MROH6: variants seen among roughly 807,000 people sequenced by gnomAD.
MROH6 encodes maestro heat-like repeat-containing protein family member 6.
In MROH6, 62 loss-of-function variants were observed where a neutral mutation model predicts 67.7. The ratio of observed to expected loss-of-function variants is 0.92; its 90% CI spans 0.75 to 1.13. The LOEUF is 1.13. MROH6 is among the 50% of genes most tolerant of loss of function. MROH6 has a pLI of 0.00. For synonymous variants in MROH6, 566 were observed against 470.8 expected, an observed-to-expected ratio of 1.20 and a Z score of -2.62; for missense variants, 1,175 against 1,029.1, an observed-to-expected ratio of 1.14 and a Z score of -1.94.
In MROH6 at chr8:143,569,791, A is replaced by G. The variant is rs1376077734; in HGVS notation, c.1208T>C (p.Leu403Pro). 1.5e-5 allele frequency: 24 copies of G among 1,612,356 alleles called. No individual in the cohort carries two copies. The highest frequency in any genetic ancestry group is 1.9e-5 in the Non-Finnish European group (23 of 1,179,556). The change falls in exon 8 of 14, where the codon CTG becomes CCG. Residue 403 changes from leucine to proline, a missense_variant. By Grantham distance (98) the Leu-to-Pro change is moderately conservative. Coordinates refer to ENST00000398882, the MANE Select transcript of MROH6 (RefSeq NM_001100878.2). ...TARLLREEVI[L>P]ERLLTWQGDP... Reference sequence around the variant, plus strand: ...TCCCTGCCAGGTGAGGAGTCGCTCCAGGATGACCTCCTCCCGCAGGAGCCG... The same window carrying G: ...TCCCTGCCAGGTGAGGAGTCGCTCCGGGATGACCTCCTCCCGCAGGAGCCG...
At position 143,570,548 on chromosome 8, in the gene MROH6, G is replaced by A. The variant is rs1823961181; in HGVS notation, c.830C>T (p.Ala277Val). ...LALVTQLHKL[A>V]RSPCSPDMPK... ...CATGTCGGGGGAGCACGGGCTGCGG[G>A]CCAGCTTGTGCAGCTGTGTGACCAG... is the stretch of plus-strand genomic sequence containing the variant. The change falls in exon 5 of 14, where the codon GCC (alanine) becomes GTC (valine). Residue 277 changes from alanine to valine, a missense_variant. Physicochemically the swap from Ala to Val is moderately conservative, Grantham distance 64. Coordinates refer to ENST00000398882, the MANE Select transcript of MROH6 (RefSeq NM_001100878.2). The A allele has an allele frequency of 6.2e-7, 1 of 1,610,320 alleles. No homozygotes were observed. The highest frequency in any genetic ancestry group is 8.5e-7 in the Non-Finnish European group (1 of 1,179,844).
At chr8:143,572,217 C>A (rs1173600751) in intron 1 of MROH6, 32 bp from the exon 2 acceptor site, 3 of 1,608,492 alleles carry the variant, frequency 1.9e-6, no homozygotes, top group African/African-American at 2.7e-5. Context: ...GTCTGAAGTG[C>A]CCAAACCTCT....
rs755875502 is a variant in MROH6, at chr8:143,568,861, C to T, written c.1477-142G>A. ...GTGATCTGGGGACAGGGAACAGGGC[C>T]TGGAGCTGGACCTGGTTGGGAAGCC... On this transcript the variant is annotated intron_variant, in intron 9 of 13. Transcript: ENST00000398882. 860 of 621,408 alleles carry T rather than the reference C, an allele frequency of 1.4e-3. 3 individuals carry two copies. Among genetic ancestry groups the T allele is most frequent in the Non-Finnish European group, 1.9e-3 (731 of 376,788 alleles). The allele number at this position is 621,408 out of a possible 1,614,324, so 38.5% of individuals were successfully genotyped here. A position where few individuals can be genotyped will look rare whatever the true frequency, so the allele number is the denominator to read the frequency against.
At chr8:143,567,504 G>A in intron 13 of MROH6, 39 bp from the exon 14 acceptor site, 1 of 1,444,380 alleles carries the variant, frequency 6.9e-7, no homozygotes, top group South Asian at 1.4e-5. Flanking sequence ...GAGCCCAGGA[G>A]GGCCGAGTGC....
Position 143,572,608 on chromosome 8 carries a change from TG to T in MROH6, c.106del (p.Gln36ArgfsTer129). 6.3e-7 allele frequency: 1 copy of T among 1,595,936 alleles called. No homozygotes were observed. On this transcript the variant is annotated frameshift_variant, in exon 1 of 14. Coordinates refer to ENST00000398882, the MANE Select transcript of MROH6 (RefSeq NM_001100878.2). LOFTEE classifies it high-confidence loss of function. ...CTGAGGGCCTGCGGAAGGGGGTCCC[TG>T]GGGCTGCCCCTGCCTGGCCCGGATT... ...EGIRARQGQP[Q>X]GPPSAGPQPK...
rs772815093 is a variant in MROH6 at position 143,570,050 on chromosome 8, A to G, written c.1059T>C (p.His353=). 14 of 1,611,474 alleles carry G rather than the reference A, an allele frequency of 8.7e-6. No homozygotes were observed. In the East Asian group the frequency reaches 2.9e-4, roughly 33 times the overall value. The part of the protein sequence containing the change: ...VLLLASAMVA[H]ADHHLRGLFA... ...AGAGGCCTCGCAGGTGGTGGTCGGC[A>G]TGTGCCACCATAGCACTGGGGTGGG... The change falls in exon 7 of 14, where the codon CAT becomes CAC. Residue 353 remains histidine (H), a synonymous_variant. Transcript: ENST00000398882.
In MROH6 at chr8:143,569,936, G is replaced by A. The variant is rs761383727; in HGVS notation, c.1158+15C>T. On this transcript the variant is annotated intron_variant, in intron 7 of 13. Transcript: ENST00000398882. ...CAGGGTCACCCTTCACCACCCATCCGGGAAGCAGGCTCACCCCTGTGAAGA... is the reference window on the plus strand; with the variant it reads ...CAGGGTCACCCTTCACCACCCATCCAGGAAGCAGGCTCACCCCTGTGAAGA... The A allele has an allele frequency of 2.5e-6, 4 of 1,612,458 alleles. No homozygotes were observed. The highest frequency in any genetic ancestry group is 1.7e-5 in the Admixed American group (1 of 60,000).
chr8:143,569,308 A>C (rs1823845925), intron 9 of MROH6, 133 bp downstream of exon 9: 1 of 462,672 alleles, frequency 2.2e-6, no homozygotes, highest in East Asian at 4.5e-5. Context: ...GAGAGACTGG[A>C]AGGGCGGGGC....
Position 143,567,907 on chromosome 8 carries a change from G to A in MROH6, c.1765-19C>T. The A allele has an allele frequency of 6.6e-7, 1 of 1,517,288 alleles. No individual in the cohort carries two copies. The highest frequency in any genetic ancestry group is 8.8e-7 in the Non-Finnish European group (1 of 1,133,882). The allele number at this position is 1,517,288 out of a possible 1,614,324, so 94.0% of individuals were successfully genotyped here. ...GCTGAACCTGGGGACAAAAGGGCTA[G>A]TGGCAGGACAGGAGGGCTGATCCTG... On this transcript the variant is annotated intron_variant, in intron 11 of 13. Transcript: ENST00000398882.
rs1352204725 is a variant in MROH6 at position 143,570,331 on chromosome 8, T to A, written c.955A>T (p.Met319Leu). The A allele has an allele frequency of 6.2e-7, 1 of 1,610,208 alleles. No homozygotes were observed. The highest frequency in any genetic ancestry group is 8.5e-7 in the Non-Finnish European group (1 of 1,179,758). Residue 319 changes from methionine (M) to leucine (L), a missense_variant, in exon 6 of 14, where the codon ATG (methionine) becomes TTG (leucine). By Grantham distance (15) the Met-to-Leu change is conservative (BLOSUM62 2). Coordinates refer to ENST00000398882, the MANE Select transcript of MROH6 (RefSeq NM_001100878.2). Reference sequence around the variant, plus strand: ...GCCTGCTCCATGCACGTGACCACCATGCGGCCTCCATCCCCGGTGAGCAGC... The same window carrying A: ...GCCTGCTCCATGCACGTGACCACCAAGCGGCCTCCATCCCCGGTGAGCAGC... ...KALLTGDGGR[M>L]VVTCMEQAGG...
chr8:143,570,436 G>A, intron 5 of MROH6, 37 bp downstream of exon 5: 1 of 1,186,078 alleles, frequency 8.4e-7, no homozygotes, highest in Non-Finnish European at 1.2e-6. Context: ...GTGACAGCAT[G>A]CTGGCCCGCC....
Position 143,570,302 on chromosome 8 carries a change from T to C in MROH6, c.984A>G (p.Gly328=). The change falls in exon 6 of 14, where the codon GGA becomes GGG. Residue 328 remains glycine, a synonymous_variant. Transcript: ENST00000398882. Reference sequence around the variant, plus strand: ...GGGCTCCCACCAGCCTCCTCCAGCCTCCTGCCTGCTCCATGCACGTGACCA... The same window carrying C: ...GGGCTCCCACCAGCCTCCTCCAGCCCCCTGCCTGCTCCATGCACGTGACCA... ...RMVVTCMEQA[G]GWRRLVGAHT... The C allele has an allele frequency of 1.9e-6, 3 of 1,608,458 alleles. No individual in the cohort carries two copies. Among genetic ancestry groups the C allele is most frequent in the South Asian group, 1.1e-5 (1 of 90,874 alleles).
In MROH6 at chr8:143,568,583, C is replaced by CGCA. The variant is rs774393467; in HGVS notation, c.1610_1612dup (p.Leu537dup). 11 of 1,546,522 alleles carry CGCA rather than the reference C, an allele frequency of 7.1e-6. No individual in the cohort carries two copies. Among genetic ancestry groups the CGCA allele is most frequent in the Middle Eastern group, 2.0e-4 (1 of 5,128 alleles). On this transcript the variant is annotated inframe_insertion, in exon 10 of 14. Transcript: ENST00000398882. ...AGCGTCCCTGCTGGGGTCATGCAGG[C>CGCA]GCAGCAGCAGCGGCACGAGACTCTG...
intron 2 of MROH6, 53 bp downstream of exon 2, chr8:143,571,979 CT>C (rs376037721): frequency 7.0e-6 from 11 of 1,566,914 alleles, no homozygotes; most frequent in African/African-American, 6.8e-5. Context: ...CTCCCACCAC[CT>C]TGGTGCCCGA....
chr8:143,570,432 GCA>G (rs774580543), intron 5 of MROH6, 39 bp downstream of exon 5: 1 of 1,605,736 alleles, frequency 6.2e-7, no homozygotes, highest in South Asian at 1.1e-5. Context: ...GAGGGTGACA[GCA>G]TGCTGGCCCG....
intron 3 of MROH6, 72 bp from the exon 4 acceptor site, chr8:143,571,066 C>A (rs1824007879): frequency 1.5e-6 from 2 of 1,321,642 alleles, no homozygotes; most frequent in Non-Finnish European, 1.1e-6. Flanking sequence ...GAGTCCCCAG[C>A]CAGGGTGGAG....
In MROH6 at chr8:143,568,684, G is replaced by A; in HGVS notation, c.1512C>T (p.Leu504=). 6.6e-7 allele frequency: 1 copy of A among 1,517,258 alleles called. No individual in the cohort carries two copies. The highest frequency in any genetic ancestry group is 8.8e-7 in the Non-Finnish European group (1 of 1,137,580). 94.0% of individuals were successfully genotyped at this position (1,517,258 alleles called of 1,614,324 possible). A position where few individuals can be genotyped will look rare whatever the true frequency, so the allele number is the denominator to read the frequency against. The change falls in exon 10 of 14, where the codon CTC becomes CTT. Residue 504 remains leucine (L), a synonymous_variant. Coordinates refer to ENST00000398882, the MANE Select transcript of MROH6 (RefSeq NM_001100878.2). ...RDSIRASAVG[L]LGTLVRRGRG... is the part of the protein sequence containing the mutation. ...GGCCCCGGCGCACCAGAGTCCCAAGGAGCCCGACGGCCGAGGCGCGGATTG... is the reference window on the plus strand; with the variant it reads ...GGCCCCGGCGCACCAGAGTCCCAAGAAGCCCGACGGCCGAGGCGCGGATTG...
rs765321318 is a variant in MROH6 at position 143,569,824 on chromosome 8, G to A, written c.1175C>T (p.Pro392Leu). The change falls in exon 8 of 14, where the codon CCC becomes CTC. Residue 392 changes from proline to leucine, a missense_variant. Physicochemically the swap from Pro to Leu is moderately conservative, Grantham distance 98. Coordinates refer to ENST00000398882, the MANE Select transcript of MROH6 (RefSeq NM_001100878.2). ...AFFTGLLQSR[P>L]TARLLREEVI... is the part of the protein sequence containing the mutation. ...CTCCTCCCGCAGGAGCCGTGCGGTG[G>A]GCCGGCTCTGCAACAGCTAGGCGAG... 1 of 1,611,210 alleles carries A rather than the reference G, an allele frequency of 6.2e-7. No individual in the cohort carries two copies. Among genetic ancestry groups the A allele is most frequent in the Non-Finnish European group, 8.5e-7 (1 of 1,179,136 alleles).
chr8:143,570,824 T>TG, intron 4 of MROH6, 53 bp downstream of exon 4: 22 of 1,186,552 alleles, frequency 1.9e-5, no homozygotes, highest in South Asian at 5.3e-5. Flanking sequence ...TCCCCGCTCC[T>TG]CGCCACCCCC....
Sources: allele counts gnomAD v4.1 joint callset, GRCh38; gene constraint gnomAD v4.1.1; transcripts MANE v1.5; gene names NCBI Gene and HGNC (gene_info 2026-07-23, HGNC 2026-07-21).